The following PLEKHB1 variants were observed in gnomAD, a reference collection of about 807,000 sequenced individuals.
PLEKHB1 encodes the protein pleckstrin homology domain containing B1.
In PLEKHB1, 29 loss-of-function variants were observed where a neutral mutation model predicts 36.2. That is an observed-to-expected ratio of 0.80 (90% confidence interval 0.60 to 1.09). The LOEUF (loss-of-function observed/expected upper bound fraction) is 1.09. Among genes scored for constraint, PLEKHB1 ranks in the 50% least tolerant of loss-of-function variants. PLEKHB1 has a pLI of 0.00. For synonymous variants in PLEKHB1, 138 were observed against 140.0 expected, an observed-to-expected ratio of 0.99 and a Z score of 0.10; for missense variants, 330 against 348.2, an observed-to-expected ratio of 0.95 and a Z score of 0.42.
chr11:73,657,372 G>T (rs1945015270), intron 6 of PLEKHB1, among the ~76,000 whole-genome samples: 1 of 152,126 alleles, frequency 6.6e-6, no homozygotes, highest in African/African-American at 2.4e-5. Flanking sequence ...GTTTAAAGTG[G>T]GGATGTCAAA....
chr11:73,648,999 G>T lies in PLEKHB1; in HGVS notation c.19-13G>T. 6.3e-7 allele frequency: 1 copy of T among 1,583,266 alleles called. No homozygotes were observed. The highest frequency in any genetic ancestry group is 1.2e-5 in the South Asian group (1 of 86,596). ...GCTGCTGAGGCCTGTGTCTCCCGTG[G>T]CTCCTCTGACAGGTCCCGCCTGACT... On this transcript the variant is annotated splice_polypyrimidine_tract_variant and intron_variant, in intron 1 of 7. Coordinates refer to ENST00000354190, the MANE Select transcript of PLEKHB1 (RefSeq NM_021200.3).
chr11:73,649,937 C>T (rs1181512566), intron 2 of PLEKHB1, among the ~76,000 whole-genome samples: 1 of 152,266 alleles, frequency 6.6e-6, no homozygotes, highest in East Asian at 1.9e-4. Context: ...CACAGTGGCT[C>T]ATGCCTGTAA....
chr11:73,659,801 C>T (rs1217421998), intron 6 of PLEKHB1, among the ~76,000 whole-genome samples: 1 of 152,126 alleles, frequency 6.6e-6, no homozygotes, highest in African/African-American at 2.4e-5. Context: ...GCCTCAGTCC[C>T]CAACCCTATG....
At chr11:73,648,618 G>A in intron 1 of PLEKHB1, 3 of 997,752 alleles carry the variant, frequency 3.0e-6, no homozygotes, top group Non-Finnish European at 3.6e-6. Context: ...ATGCTCCACC[G>A]ACTGAGCTAG....
Position 73,653,020 on chromosome 11 carries a change from T to G in PLEKHB1, c.390+6T>G, listed in dbSNP as rs1425355558. On this transcript the variant is annotated splice_donor_region_variant and intron_variant, in intron 5 of 7. Transcript: ENST00000354190. ...TGGAGGCAAACTCCACCCCGGTGAG[T>G]CTCCCGTTCTCTCCCCCTTTCCCCA... The G allele has an allele frequency of 6.9e-6, 11 of 1,605,630 alleles. No homozygotes were observed. Among genetic ancestry groups the G allele is most frequent in the Non-Finnish European group, 9.4e-6 (11 of 1,174,490 alleles).
intron 1 of PLEKHB1, chr11:73,647,692 G>C (rs1252058736): frequency 1.0e-6 from 1 of 985,376 alleles, no homozygotes; most frequent in South Asian, 4.7e-5. Context: ...CAGCAGCATC[G>C]AGTAGCGGCC....
chr11:73,649,294 C>T (rs1944837655), intron 2 of PLEKHB1, among the ~76,000 whole-genome samples: 1 of 152,102 alleles, frequency 6.6e-6, no homozygotes, highest in African/African-American at 2.4e-5. Flanking sequence ...CTCAGATGGG[C>T]CCCTCTCTGA....
chr11:73,659,429 C>T (rs1945060817), intron 6 of PLEKHB1, among the ~76,000 whole-genome samples: 1 of 152,048 alleles, frequency 6.6e-6, no homozygotes, highest in Non-Finnish European at 1.5e-5. Flanking sequence ...ATCCTGACCC[C>T]TCTCCAGGTC....
In PLEKHB1 at chr11:73,649,106, C is replaced by G. The variant is rs1196406973; in HGVS notation, c.94+19C>G. 1 of 1,582,456 alleles carries G rather than the reference C, an allele frequency of 6.3e-7. No individual in the cohort carries two copies. Among genetic ancestry groups the G allele is most frequent in the Non-Finnish European group, 8.6e-7 (1 of 1,163,856 alleles). ...AGACAGAGTGAGTGATCCTGGGCCC[C>G]TGGTCCTGGGGCAGGGTGAAGGAAG... On this transcript the variant is annotated intron_variant, in intron 2 of 7. Transcript: ENST00000354190.
chr11:73,661,878 C>T lies in PLEKHB1; in HGVS notation c.*276C>T, dbSNP rs1945132472. On this transcript the variant is annotated 3_prime_UTR_variant, in exon 8 of 8. Transcript: ENST00000354190. This position sits in a 1 kb window ranked among gnomAD's most constrained non-coding sequence, Gnocchi z 4.6. ...CATTTATGGATACATTTCCTCTAAACACAACAGGGCACAGCAAATACGACT... is the reference window on the plus strand; with the variant it reads ...CATTTATGGATACATTTCCTCTAAATACAACAGGGCACAGCAAATACGACT... The T allele has an allele frequency of 2.4e-6, 1 of 411,676 alleles. No individual in the cohort carries two copies. The highest frequency in any genetic ancestry group is 4.0e-5 in the Admixed American group (1 of 24,820). The allele number at this position is 411,676 out of a possible 1,614,324, so 25.5% of individuals were successfully genotyped here.
At chr11:73,647,525 C>T in intron 1 of PLEKHB1, 1 of 984,908 alleles carries the variant, frequency 1.0e-6, no homozygotes, top group Non-Finnish European at 1.2e-6. Flanking sequence ...CCCAGTACGC[C>T]TCGGGTCAGC....
rs780724777 is a variant in PLEKHB1, at chr11:73,660,733, G to C, written c.496-20G>C. ...CGGGCCAGGGAGTTCCTGGGCACCT[G>C]ACATGGTTGGATTCCCCAGGTGCGC... On this transcript the variant is annotated intron_variant, in intron 6 of 7. Transcript: ENST00000354190. The C allele has an allele frequency of 2.5e-6, 4 of 1,570,184 alleles. No individual in the cohort carries two copies. Among genetic ancestry groups the C allele is most frequent in the Non-Finnish European group, 2.6e-6 (3 of 1,158,960 alleles).
At chr11:73,655,372 G>C (rs1944972317) in intron 5 of PLEKHB1, among the ~76,000 whole-genome samples, 1 of 152,166 alleles carries the variant, frequency 6.6e-6, no homozygotes, top group African/African-American at 2.4e-5. Context: ...CGACATGCTG[G>C]AGTTCATACC....
Position 73,661,048 on chromosome 11 carries a change from C to G in PLEKHB1, c.595+196C>G, listed in dbSNP as rs1741898344. The G allele has an allele frequency of 6.4e-6, 4 of 622,304 alleles. 1 individual carries two copies. The South Asian group carries it at 7.6e-5, about 12-fold the overall frequency. The allele number at this position is 622,304 out of a possible 1,614,324, so 38.5% of individuals were successfully genotyped here. ...GAACCAGCGTTCGTCTCGAGCTGAC[C>G]TCACCCTTCTGGGATGGCTCCTCAG... On this transcript the variant is annotated intron_variant, in intron 7 of 7. Coordinates refer to ENST00000354190, the MANE Select transcript of PLEKHB1 (RefSeq NM_021200.3). This position sits in a 1 kb window ranked among gnomAD's most constrained non-coding sequence, Gnocchi z 4.6.
In PLEKHB1 at chr11:73,661,030, C is replaced by A; in HGVS notation, c.595+178C>A. On this transcript the variant is annotated intron_variant, in intron 7 of 7. Coordinates refer to ENST00000354190, the MANE Select transcript of PLEKHB1 (RefSeq NM_021200.3). The surrounding 1 kb of genome is among the most constrained non-coding windows in gnomAD (Gnocchi z 4.6). ...GAGACTGGGAGAGCTCTGGAACCAG[C>A]GTTCGTCTCGAGCTGACCTCACCCT... 2 of 660,092 alleles carry A rather than the reference C, an allele frequency of 3.0e-6. No individual in the cohort carries two copies. The highest frequency in any genetic ancestry group is 1.8e-5 in the South Asian group (1 of 54,558). 40.9% of individuals were successfully genotyped at this position (660,092 alleles called of 1,614,324 possible).
chr11:73,651,020 G>A (rs1944879315), intron 3 of PLEKHB1, among the ~76,000 whole-genome samples: 2 of 150,890 alleles, frequency 1.3e-5, no homozygotes, highest in African/African-American at 4.9e-5. Flanking sequence ...AAATTGGTGA[G>A]ATGCGGTCAC....
chr11:73,659,751 C>T (rs887244875), intron 6 of PLEKHB1, among the ~76,000 whole-genome samples: 1 of 152,132 alleles, frequency 6.6e-6, no homozygotes, highest in African/African-American at 2.4e-5. Flanking sequence ...GAGGGGAGGG[C>T]AGGGAATGCA....
chr11:73,650,780 G>A (rs1187411791), intron 3 of PLEKHB1, 75 bp downstream of exon 3: 2 of 1,450,112 alleles, frequency 1.4e-6, no homozygotes, highest in Non-Finnish European at 1.8e-6. Flanking sequence ...AACACTTGCT[G>A]TTGGAAGTCT....
intron 6 of PLEKHB1, among the ~76,000 whole-genome samples, chr11:73,659,071 G>A (rs1292153963): frequency 6.6e-6 from 1 of 151,974 alleles, no homozygotes; most frequent in Non-Finnish European, 1.5e-5. Context: ...TAAAAATACA[G>A]AAAAATTAGC....
Sources: gnomAD v4.1 joint callset for allele counts (sites outside exome capture counted in the v4.1 genomes callset) on GRCh38, gnomAD v4.1.1 for gene constraint, Gnocchi (gnomAD v3.1) non-coding constraint, MANE v1.5 for transcripts, NCBI Gene and HGNC (gene_info 2026-07-23, HGNC 2026-07-21) for gene names.